Variants in FGF1 observed in about 807,000 individuals in gnomAD.
The protein encoded by FGF1 is fibroblast growth factor 1, also known as beta-endothelial cell growth factor.
A neutral mutation model predicts 13.4 loss-of-function variants in FGF1; 9 were observed. That is an observed-to-expected ratio of 0.67 (90% CI 0.40 to 1.17). The LOEUF (loss-of-function observed/expected upper bound fraction) is 1.17. Among genes scored for constraint, FGF1 ranks in the 50% most tolerant of loss-of-function variants. The pLI is 0.01. For synonymous variants in FGF1, 93 were observed against 79.0 expected (o/e 1.18, Z -0.94); for missense variants, 156 against 192.7 (o/e 0.81, Z 1.13).
intron 1 of FGF1, among the ~76,000 whole-genome samples, chr5:142,682,149 G>T (rs1045260440): frequency 6.6e-6 from 1 of 151,104 alleles, no homozygotes; most frequent in African/African-American, 2.4e-5. Flanking sequence ...GCAATGGCGC[G>T]ATCTCGGCTC....
At chr5:142,634,574 G>A (rs1763938303) in intron 1 of FGF1, among the ~76,000 whole-genome samples, 3 of 152,214 alleles carry the variant, frequency 2.0e-5, no homozygotes, top group African/African-American at 7.2e-5. Context: ...TCTGAGTCTG[G>A]TTCCTCATCT....
intron 2 of FGF1, among the ~76,000 whole-genome samples, chr5:142,691,639 T>C (rs1752255065): frequency 6.6e-6 from 1 of 152,050 alleles, no homozygotes; most frequent in Non-Finnish European, 1.5e-5. Flanking sequence ...CCTGGAGGAT[T>C]TGTTAAAACA....
At chr5:142,663,656 G>A (rs551901859) in intron 1 of FGF1, among the ~76,000 whole-genome samples, 1 of 152,302 alleles carries the variant, frequency 6.6e-6, no homozygotes, top group Non-Finnish European at 1.5e-5. Flanking sequence ...AGGTCTTGGG[G>A]TCAAAAATCA....
chr5:142,645,641 T>A (rs1166328764), intron 1 of FGF1, among the ~76,000 whole-genome samples: 1 of 152,214 alleles, frequency 6.6e-6, no homozygotes, highest in Non-Finnish European at 1.5e-5. Context: ...TCACAATGCC[T>A]GGCATGTAAT....
intron 2 of FGF1, among the ~76,000 whole-genome samples, chr5:142,694,062 AT>A (rs1336755695): frequency 1.3e-5 from 2 of 151,360 alleles, no homozygotes; most frequent in East Asian, 3.9e-4. Flanking sequence ...TACCCGAAGA[AT>A]TTATCTATAT....
chr5:142,671,531 A>G (rs1226353870), intron 1 of FGF1, among the ~76,000 whole-genome samples: 1 of 152,258 alleles, frequency 6.6e-6, no homozygotes, highest in East Asian at 1.9e-4. Flanking sequence ...CTAATCCAAT[A>G]AACCTGGTTC....
At chr5:142,686,794 G>T (rs999486166), upstream of FGF1, among the ~76,000 whole-genome samples, 1 of 152,314 alleles carries the variant, frequency 6.6e-6, no homozygotes, top group South Asian at 2.1e-4. Flanking sequence ...TGCAGAGGTG[G>T]CAGCTCTGTC....
At chr5:142,671,701 G>A (rs1315815988) in intron 1 of FGF1, 1 of 152,234 alleles carries the variant, frequency 6.6e-6, no homozygotes, top group East Asian at 1.9e-4. Context: ...ATGGGAGGGA[G>A]TTTTCGAAAC....
intron 1 of FGF1, among the ~76,000 whole-genome samples, chr5:142,678,162 C>A (rs1357249844): frequency 6.6e-6 from 1 of 152,108 alleles, no homozygotes; most frequent in Non-Finnish European, 1.5e-5. Flanking sequence ...TCTTACCCCC[C>A]AAGAGGCCTC....
At chr5:142,601,666 C>T (rs1289685835) in intron 2 of FGF1, among the ~76,000 whole-genome samples, 2 of 152,112 alleles carry the variant, frequency 1.3e-5, no homozygotes, top group African/African-American at 4.8e-5. Flanking sequence ...AGAGATGCTG[C>T]TAACATCCTA....
chr5:142,606,338 C>T (rs1280597717), intron 2 of FGF1, among the ~76,000 whole-genome samples: 2 of 150,836 alleles, frequency 1.3e-5, no homozygotes, highest in Non-Finnish European at 2.9e-5. Context: ...TATAGTAAAT[C>T]CTTGATGAAA....
At chr5:142,638,830 A>T (rs1315037390) in intron 1 of FGF1, among the ~76,000 whole-genome samples, 1 of 152,078 alleles carries the variant, frequency 6.6e-6, no homozygotes, top group African/African-American at 2.4e-5. Flanking sequence ...CTCAACAGTA[A>T]GAAAGCAATC....
intron 1 of FGF1, among the ~76,000 whole-genome samples, chr5:142,620,442 T>C (rs190373195): frequency 2.0e-5 from 3 of 152,116 alleles, no homozygotes; most frequent in Admixed American, 6.5e-5. Flanking sequence ...AAAACTCGTG[T>C]GGCTATATTA....
chr5:142,602,229 T>G (rs1398137981), intron 2 of FGF1, among the ~76,000 whole-genome samples: 1 of 151,914 alleles, frequency 6.6e-6, no homozygotes, highest in Non-Finnish European at 1.5e-5. Context: ...CAGGCTGAAG[T>G]GCAGTGGCGC....
intron 3 of FGF1, among the ~76,000 whole-genome samples, chr5:142,598,345 C>T (rs1755735577): frequency 6.6e-6 from 1 of 152,172 alleles, no homozygotes; most frequent in South Asian, 2.1e-4. Flanking sequence ...TCCGTCCCTC[C>T]ACCAGGATTT....
In FGF1 at chr5:142,695,271, A is replaced by C. The variant is rs546831706; in HGVS notation, c.-35+2351T>G. On this transcript the variant is annotated intron_variant, in intron 2 of 4. Transcript: ENST00000407758. ...TGCTATAGTTATTATATTACTTCTA[A>C]AGTCAGAATTAAAGACCTCAAGGCT... 2.0e-5 allele frequency among the ~76,000 whole-genome samples: 3 copies of C among 152,254 alleles called. No individual in the cohort carries two copies. In the South Asian group the frequency reaches 6.2e-4, roughly 32 times the overall value.
intron 1 of FGF1, among the ~76,000 whole-genome samples, chr5:142,636,228 A>G (rs1358767685): frequency 6.6e-6 from 1 of 152,230 alleles, no homozygotes; most frequent in Non-Finnish European, 1.5e-5. Context: ...TTTGCTGACC[A>G]TGATGGTGCC....
At chr5:142,628,604 G>C (rs1022794891) in intron 1 of FGF1, among the ~76,000 whole-genome samples, 1 of 152,220 alleles carries the variant, frequency 6.6e-6, no homozygotes, top group African/African-American at 2.4e-5. Flanking sequence ...AACTTTGGCA[G>C]GTAGCTCAAA....
At chr5:142,655,340 G>A (rs1767971896) in intron 1 of FGF1, among the ~76,000 whole-genome samples, 1 of 152,134 alleles carries the variant, frequency 6.6e-6, no homozygotes, top group African/African-American at 2.4e-5. Context: ...ATTGAGACCT[G>A]CTCCCAGCAC....
Sources: gnomAD v4.1 joint callset for allele counts (sites outside exome capture counted in the v4.1 genomes callset) on GRCh38, gnomAD v4.1.1 for gene constraint, MANE v1.5 for transcripts, NCBI Gene and HGNC (gene_info 2026-07-23, HGNC 2026-07-21) for gene names.